PKHD1L1: variants seen among roughly 807,000 people sequenced by gnomAD.
PKHD1L1 encodes PKHD1 like 1, also known as fibrocystin-L.
PKHD1L1 carries 434 observed loss-of-function variants against 462.9 expected under a neutral mutation model. The ratio of observed to expected loss-of-function variants is 0.94; its 90% CI spans 0.87 to 1.02. PKHD1L1 has a LOEUF of 1.02. PKHD1L1 is among the 50% of genes least tolerant of loss of function. The probability of loss-of-function intolerance (pLI) is 0.00; values close to 1 mark genes in which losing one functional copy is unlikely to be tolerated. For synonymous variants in PKHD1L1, 1,781 were observed against 1,750.0 expected (o/e 1.02, Z -0.44); for missense variants, 5,202 against 5,096.1 (o/e 1.02, Z -0.63).
chr8:109,382,977 C>T (rs1431334871), intron 4 of PKHD1L1, among the ~76,000 whole-genome samples: 1 of 145,716 alleles, frequency 6.9e-6, no homozygotes, highest in African/African-American at 2.5e-5. Context: ...AATTTAGCTG[C>T]CCTAAATAGA....
At chr8:109,362,736 A>C in intron 1 of PKHD1L1, 83 bp downstream of exon 1, 8 of 1,445,022 alleles carry the variant, frequency 5.5e-6, no homozygotes, top group Middle Eastern at 1.8e-4. Context: ...TGGGAGAGGC[A>C]GGACCACCTG....
intron 23 of PKHD1L1, among the ~76,000 whole-genome samples, chr8:109,422,618 G>A (rs1290694624): frequency 6.6e-6 from 1 of 152,026 alleles, no homozygotes; most frequent in African/African-American, 2.4e-5. Flanking sequence ...TTACTCACCC[G>A]TTGAAGGACA....
At chr8:109,367,480 A>G (rs1811288332) in intron 2 of PKHD1L1, among the ~76,000 whole-genome samples, 1 of 152,274 alleles carries the variant, frequency 6.6e-6, no homozygotes, top group Non-Finnish European at 1.5e-5. Flanking sequence ...TCTACCCAGT[A>G]GAAAGATCTA....
intron 2 of PKHD1L1, among the ~76,000 whole-genome samples, chr8:109,365,929 G>A (rs761237931): frequency 1.4e-4 from 21 of 152,134 alleles, no homozygotes; most frequent in Non-Finnish European, 2.8e-4. Flanking sequence ...AGCCGAGATC[G>A]CGCCACTGTA....
At chr8:109,380,511 A>C (rs7836433) in intron 2 of PKHD1L1, among the ~76,000 whole-genome samples, 37,774 of 152,098 alleles carry the variant, frequency 0.25, 5,367 homozygotes, top group African/African-American at 0.39. Context: ...TGTCTAGTGC[A>C]GTAACTCCGA....
intron 10 of PKHD1L1, among the ~76,000 whole-genome samples, chr8:109,395,538 G>A (rs990463843): frequency 6.6e-6 from 1 of 152,110 alleles, no homozygotes; most frequent in African/African-American, 2.4e-5. Flanking sequence ...ATAAATTTTA[G>A]TAAGAATCTG....
intron 39 of PKHD1L1, among the ~76,000 whole-genome samples, chr8:109,449,127 A>T (rs1025961907): frequency 2.6e-5 from 4 of 152,186 alleles, no homozygotes; most frequent in South Asian, 2.1e-4. Flanking sequence ...AAATTACCAG[A>T]TATGACATTT....
chr8:109,471,065 T>C, intron 50 of PKHD1L1: 2 of 1,579,688 alleles, frequency 1.3e-6, no homozygotes, highest in Non-Finnish European at 1.7e-6. Flanking sequence ...GATGAAATCT[T>C]CTCCTCAAAT....
Position 109,456,125 on chromosome 8 carries a change from G to C in PKHD1L1, c.6875-137G>C, listed in dbSNP as rs137979736. ...CAAGCATTCTACATATTTCTTTTTG[G>C]AGAAATGTGTGAAATGCTAAGGTAA... On this transcript the variant is annotated intron_variant, in intron 45 of 77. Transcript: ENST00000378402. 41 of 845,126 alleles carry C rather than the reference G, an allele frequency of 4.9e-5. No individual in the cohort carries two copies. The African/African-American group carries it at 6.4e-4, about 13-fold the overall frequency. 52.4% of individuals were successfully genotyped at this position (845,126 alleles called of 1,614,324 possible).
chr8:109,430,092 A>G (rs1815010739), intron 27 of PKHD1L1, 55 bp downstream of exon 27: 5 of 1,100,810 alleles, frequency 4.5e-6, no homozygotes, highest in Non-Finnish European at 6.7e-6. Flanking sequence ...AGCAAAATGT[A>G]AACTCTGATA....
At chr8:109,392,926 G>C (rs912959835) in intron 9 of PKHD1L1, among the ~76,000 whole-genome samples, 6 of 152,068 alleles carry the variant, frequency 3.9e-5, no homozygotes, top group Non-Finnish European at 8.8e-5. Context: ...AGACGAAGCT[G>C]CCTTAATTGA....
chr8:109,389,565 T>C (rs1586412302), intron 8 of PKHD1L1, among the ~76,000 whole-genome samples: 1 of 151,278 alleles, frequency 6.6e-6, no homozygotes, highest in South Asian at 2.1e-4. Flanking sequence ...TCTTGCTCTG[T>C]TGCCCAGGCT....
chr8:109,473,174 A>G (rs1283313430), intron 50 of PKHD1L1, among the ~76,000 whole-genome samples: 1 of 152,204 alleles, frequency 6.6e-6, no homozygotes, highest in Non-Finnish European at 1.5e-5. Flanking sequence ...GTGAAACTGA[A>G]TTATTAAGAA....
At chr8:109,399,554 T>C (rs1293347344) in intron 12 of PKHD1L1, among the ~76,000 whole-genome samples, 1 of 152,076 alleles carries the variant, frequency 6.6e-6, no homozygotes, top group East Asian at 1.9e-4. Flanking sequence ...AATCCTAGAG[T>C]AGAAGTAATG....
chr8:109,480,193 G>A (rs1818206064), intron 55 of PKHD1L1, 54 bp downstream of exon 55: 20 of 1,474,964 alleles, frequency 1.4e-5, no homozygotes, highest in Middle Eastern at 1.8e-4. Context: ...TCTAAAATGT[G>A]TATTTACTCA....
chr8:109,426,239 AT>A (rs1814741843), intron 24 of PKHD1L1, among the ~76,000 whole-genome samples: 1 of 151,184 alleles, frequency 6.6e-6, no homozygotes, highest in Non-Finnish European at 1.5e-5. Flanking sequence ...TAACATTGTT[AT>A]TAATTTAATC....
intron 22 of PKHD1L1, 24 bp downstream of exon 22, chr8:109,419,284 G>T: frequency 1.3e-6 from 2 of 1,528,358 alleles, no homozygotes; most frequent in Non-Finnish European, 1.8e-6. Context: ...TTTTATCTCT[G>T]CTTTAATCTA....
In PKHD1L1 at chr8:109,493,721, G is replaced by T; in HGVS notation, c.10297G>T (p.Gly3433Ter). The change falls in exon 63 of 78, where the codon GGA (glycine) becomes TGA (stop). Residue 3433 changes from glycine (G) to a stop codon, truncating the protein, a stop_gained. Coordinates refer to ENST00000378402, the MANE Select transcript of PKHD1L1 (RefSeq NM_177531.6). LOFTEE classifies it high-confidence loss of function. ...TGTAGTGGCTGGATTTGGAAGAGCA[G>T]GATACCGCATTGATGGTGAACCTTG... ...NNVVAGFGRAGYRIDGEPCPG... is the reference protein window; with the variant it reads ...NNVVAGFGRA 3.1e-6 allele frequency: 5 copies of T among 1,609,562 alleles called. No homozygotes were observed. The highest frequency in any genetic ancestry group is 2.5e-6 in the Non-Finnish European group (3 of 1,177,540).
Position 109,517,195 on chromosome 8 carries a change from G to A in PKHD1L1, c.11690-972G>A, listed in dbSNP as rs146474089. Among the ~76,000 whole-genome samples the A allele has an allele frequency of 1.8e-3, 278 of 152,200 alleles. 1 individual carries two copies. Among genetic ancestry groups the A allele is most frequent in the African/African-American group, 6.3e-3 (261 of 41,558 alleles). ...TGTGTGTTTTATGGTAGTGGTAGTG[G>A]TGTTTTTCTGAAACAGCGTTGCTTT... On this transcript the variant is annotated intron_variant, in intron 72 of 77. Coordinates refer to ENST00000378402, the MANE Select transcript of PKHD1L1 (RefSeq NM_177531.6).
Sources: allele counts gnomAD v4.1 joint callset (sites outside exome capture counted in the v4.1 genomes callset), GRCh38; gene constraint gnomAD v4.1.1; transcripts MANE v1.5; gene names NCBI Gene and HGNC (gene_info 2026-07-23, HGNC 2026-07-21).